TTC39B: variants seen among roughly 807,000 people sequenced by gnomAD.
TTC39B encodes the protein tetratricopeptide repeat protein 39B.
In TTC39B, 92 loss-of-function variants were observed where a neutral mutation model predicts 96.6. That is an observed-to-expected ratio of 0.95 (90% CI 0.80 to 1.13). TTC39B has a LOEUF of 1.13. Ranked by LOEUF, TTC39B falls within the 50% of genes most tolerant of loss-of-function variation. TTC39B has a pLI of 0.00. For synonymous variants in TTC39B, 367 were observed against 299.4 expected (o/e 1.23, Z -2.33); for missense variants, 955 against 809.3 (o/e 1.18, Z -2.18).
chr9:15,222,282 G>T (rs2131390875), intron 3 of TTC39B, among the ~76,000 whole-genome samples: 1 of 152,214 alleles, frequency 6.6e-6, no homozygotes, highest in East Asian at 1.9e-4. Flanking sequence ...TTTTTAAATT[G>T]TGGTAAAATA....
chr9:15,185,541 C>G, intron 15 of TTC39B, 135 bp from the exon 16 acceptor site: 1 of 1,405,268 alleles, frequency 7.1e-7, no homozygotes, highest in South Asian at 1.4e-5. Context: ...ATTTGAAATG[C>G]CAATTTTCAG....
chr9:15,269,729 C>G (rs1015506244), intron 1 of TTC39B, among the ~76,000 whole-genome samples: 2 of 151,488 alleles, frequency 1.3e-5, no homozygotes, highest in Non-Finnish European at 2.9e-5. Flanking sequence ...GTGACATGCA[C>G]CTGTAATCCC....
intron 1 of TTC39B, among the ~76,000 whole-genome samples, chr9:15,285,128 G>A (rs905357633): frequency 2.6e-5 from 4 of 152,072 alleles, no homozygotes; most frequent in Admixed American, 6.5e-5. Context: ...AGCCGGGCGT[G>A]GTGGCGGGCG....
In TTC39B at chr9:15,203,192, G is replaced by A. The variant is rs779965036; in HGVS notation, c.759+631C>T. ...AAAGCGCAAAGGAGAATACTCTCCCGGTTTCCACACAGATGCATCTTAAAA... is the reference window on the plus strand; with the variant it reads ...AAAGCGCAAAGGAGAATACTCTCCCAGTTTCCACACAGATGCATCTTAAAA... On this transcript the variant is annotated intron_variant, in intron 7 of 19. Transcript: ENST00000512701. 8.5e-5 allele frequency among the ~76,000 whole-genome samples: 13 copies of A among 152,254 alleles called. 1 individual carries two copies. The highest frequency in any genetic ancestry group is 2.6e-4 in the Admixed American group (4 of 15,306).
At chr9:15,294,852 C>A (rs915020887) in intron 1 of TTC39B, among the ~76,000 whole-genome samples, 2 of 152,206 alleles carry the variant, frequency 1.3e-5, no homozygotes, top group Admixed American at 6.5e-5. Context: ...GGGCCCCCCA[C>A]GATAAGCGCT....
At chr9:15,198,123 T>C (rs949878706) in intron 8 of TTC39B, among the ~76,000 whole-genome samples, 10 of 152,044 alleles carry the variant, frequency 6.6e-5, no homozygotes, top group African/African-American at 2.4e-4. Flanking sequence ...GACACCGCAT[T>C]GTAGGGTTTA....
chr9:15,192,445 A>G, intron 9 of TTC39B, 145 bp downstream of exon 9: 1 of 614,882 alleles, frequency 1.6e-6, no homozygotes, highest in South Asian at 2.1e-5. Flanking sequence ...ACTGGGTCAC[A>G]ATGCCAGAAA....
chr9:15,269,612 G>A (rs529119191), intron 1 of TTC39B, among the ~76,000 whole-genome samples: 2 of 152,316 alleles, frequency 1.3e-5, no homozygotes, highest in African/African-American at 4.8e-5. Context: ...CCAGCACTTT[G>A]GGAGGCCGAG....
At chr9:15,207,181 C>G (rs1469118269) in intron 6 of TTC39B, among the ~76,000 whole-genome samples, 1 of 152,160 alleles carries the variant, frequency 6.6e-6, no homozygotes, top group Admixed American at 6.5e-5. Context: ...CAGTCCTGGG[C>G]AGTTCTTTAG....
At chr9:15,172,011 A>G in exon 20 of TTC39B, 2 of 1,607,304 alleles carry the variant, frequency 1.2e-6, no homozygotes, top group Middle Eastern at 1.7e-4. Context: ...CCATCCTTCA[A>G]GTTCTGATCA....
At chr9:15,260,800 G>A (rs933196045) in intron 2 of TTC39B, among the ~76,000 whole-genome samples, 1 of 145,438 alleles carries the variant, frequency 6.9e-6, no homozygotes, top group South Asian at 2.1e-4. Flanking sequence ...TATTTCTATT[G>A]TAAGCTTCTA....
intron 7 of TTC39B, among the ~76,000 whole-genome samples, chr9:15,201,549 G>A (rs899021526): frequency 6.6e-6 from 1 of 152,156 alleles, no homozygotes; most frequent in African/African-American, 2.4e-5. Context: ...CAAAGCAGAT[G>A]TGAATTTTGT....
chr9:15,185,590 C>G (rs754809208), intron 15 of TTC39B, 184 bp from the exon 16 acceptor site: 2 of 775,056 alleles, frequency 2.6e-6, no homozygotes, highest in Non-Finnish European at 3.9e-6. Flanking sequence ...ACTCCAGGGC[C>G]GGGGCCGAGC....
At chr9:15,249,737 C>G (rs1419429512) in intron 2 of TTC39B, 1 of 325,752 alleles carries the variant, frequency 3.1e-6, no homozygotes, top group Non-Finnish European at 4.9e-6. Flanking sequence ...GGAAGCCAAG[C>G]AGGCTTGACA....
chr9:15,210,031 G>A, intron 6 of TTC39B, 57 bp downstream of exon 6: 7 of 1,234,988 alleles, frequency 5.7e-6, no homozygotes, highest in Non-Finnish European at 8.2e-6. Context: ...AATTTTATGA[G>A]ATGATCATTT....
chr9:15,235,377 C>T (rs1052158769), intron 2 of TTC39B, among the ~76,000 whole-genome samples: 1 of 152,110 alleles, frequency 6.6e-6, no homozygotes, highest in Admixed American at 6.5e-5. Flanking sequence ...AAGTAAGCAA[C>T]CTGGAAAATA....
chr9:15,253,198 G>C (rs1428898457), intron 2 of TTC39B, among the ~76,000 whole-genome samples: 1 of 152,208 alleles, frequency 6.6e-6, no homozygotes, highest in Non-Finnish European at 1.5e-5. Context: ...AGACTTTATA[G>C]ATATTAGGGA....
At chr9:15,298,901 C>A (rs1167512308) in intron 1 of TTC39B, among the ~76,000 whole-genome samples, 1 of 152,174 alleles carries the variant, frequency 6.6e-6, no homozygotes, top group Non-Finnish European at 1.5e-5. Flanking sequence ...GAAGACACTT[C>A]AAGAGCTCCC....
rs955541448 is a variant in TTC39B at position 15,276,421 on chromosome 9, G to C, written c.241-8473C>G. On this transcript the variant is annotated intron_variant, in intron 1 of 19. Transcript: ENST00000512701. The stretch of plus-strand genomic sequence containing the variant: ...CACCCACCCTAGGAAGCTGTTGGGA[G>C]GACCAAAGGAGATCAGAGGGGAAAG... Among the ~76,000 whole-genome samples the C allele has an allele frequency of 9.8e-5, 15 of 152,304 alleles. 2 individuals are homozygous for C. Among genetic ancestry groups the C allele is most frequent in the Admixed American group, 5.9e-4 (9 of 15,312 alleles).
Sources: allele counts gnomAD v4.1 joint callset (sites outside exome capture counted in the v4.1 genomes callset), GRCh38; gene constraint gnomAD v4.1.1; transcripts MANE v1.5; gene names NCBI Gene and HGNC (gene_info 2026-07-23, HGNC 2026-07-21).